FLOT2: variants seen among roughly 807,000 people sequenced by gnomAD.
FLOT2 encodes flotillin 2.
FLOT2 carries 35 observed loss-of-function variants against 54.9 expected under a neutral mutation model. The observed-to-expected ratio is 0.64, with a 90% confidence interval of 0.49 to 0.84. The LOEUF is 0.84. FLOT2 is among the 40% of genes least tolerant of loss of function. FLOT2 has a pLI of 0.00. For synonymous variants in FLOT2, 207 were observed against 228.9 expected, an observed-to-expected ratio of 0.90 and a Z score of 0.86; for missense variants, 464 against 572.1, an observed-to-expected ratio of 0.81 and a Z score of 1.93.
chr17:28,890,851 T>C (rs2152649487), intron 1 of FLOT2, among the ~76,000 whole-genome samples: 1 of 135,234 alleles, frequency 7.4e-6, no homozygotes, highest in South Asian at 2.7e-4. Context: ...CAGAGAGTGT[T>C]ATCATTTCTT....
At chr17:28,890,328 T>C (rs544363612) in intron 1 of FLOT2, among the ~76,000 whole-genome samples, 74 of 152,174 alleles carry the variant, frequency 4.9e-4, no homozygotes, top group African/African-American at 1.7e-3. Flanking sequence ...CCCAGATCCA[T>C]GCTGTAGACA....
rs1214846625 is a variant in FLOT2, at chr17:28,882,442, A to G, written c.474T>C (p.Tyr158=). 2 of 1,613,916 alleles carry G rather than the reference A, an allele frequency of 1.2e-6. No homozygotes were observed. Among genetic ancestry groups the G allele is most frequent in the Admixed American group, 1.7e-5 (1 of 60,026 alleles). The change falls in exon 6 of 11, where the codon TAT becomes TAC. Residue 158 remains tyrosine, a synonymous_variant. Transcript: ENST00000394908. The surrounding 1 kb of genome is among the most constrained non-coding windows in gnomAD (Gnocchi z 5.6). ...EILSFTIKDV[Y]DKVDYLSSLG... ...GGGAGCTCAGATAGTCCACTTTGTCATACACGTCCTGGGGAGGGAAGGGGG... is the reference window on the plus strand; with the variant it reads ...GGGAGCTCAGATAGTCCACTTTGTCGTACACGTCCTGGGGAGGGAAGGGGG...
In FLOT2 at chr17:28,882,467, G is replaced by A. The variant is rs1187358765; in HGVS notation, c.466-17C>T. The A allele has an allele frequency of 6.2e-7, 1 of 1,609,756 alleles. No individual in the cohort carries two copies. Among genetic ancestry groups the A allele is most frequent in the South Asian group, 1.1e-5 (1 of 90,996 alleles). Reference sequence around the variant, plus strand: ...ATACACGTCCTGGGGAGGGAAGGGGGTATCAGAGGCTCAAAGGAGCAGCCA... The same window carrying A: ...ATACACGTCCTGGGGAGGGAAGGGGATATCAGAGGCTCAAAGGAGCAGCCA... On this transcript the variant is annotated splice_polypyrimidine_tract_variant and intron_variant, in intron 5 of 10. Coordinates refer to ENST00000394908, the MANE Select transcript of FLOT2 (RefSeq NM_004475.3). This position sits in a 1 kb window ranked among gnomAD's most constrained non-coding sequence, Gnocchi z 5.6.
chr17:28,897,480 C>T lies in FLOT2; in HGVS notation c.49+46G>A. 1 of 1,565,296 alleles carries T rather than the reference C, an allele frequency of 6.4e-7. No individual in the cohort carries two copies. Among genetic ancestry groups the T allele is most frequent in the Non-Finnish European group, 8.7e-7 (1 of 1,150,922 alleles). The stretch of plus-strand genomic sequence containing the variant: ...CGTGCACTCCCCAGCCCTGCACCCA[C>T]CCCGAGCACCCTCCACAGCTCCCAC... On this transcript the variant is annotated intron_variant, in intron 1 of 10. Transcript: ENST00000394908. The surrounding 1 kb of genome is among the most constrained non-coding windows in gnomAD (Gnocchi z 4.4).
chr17:28,887,130 C>A (rs950307500), intron 2 of FLOT2, among the ~76,000 whole-genome samples: 1 of 151,852 alleles, frequency 6.6e-6, no homozygotes, highest in East Asian at 1.9e-4. Flanking sequence ...ATCAGGGCCT[C>A]GGGATAGTAT....
chr17:28,887,132 G>C (rs184477861), intron 2 of FLOT2, among the ~76,000 whole-genome samples: 21 of 152,164 alleles, frequency 1.4e-4, no homozygotes, highest in Non-Finnish European at 2.8e-4. Flanking sequence ...CAGGGCCTCG[G>C]GATAGTATAG....
chr17:28,880,028 T>A lies in FLOT2; in HGVS notation c.*533A>T. 1.0e-6 allele frequency: 1 copy of A among 991,730 alleles called. No homozygotes were observed. Among genetic ancestry groups the A allele is most frequent in the Non-Finnish European group, 1.2e-6 (1 of 834,168 alleles). 61.4% of individuals were successfully genotyped at this position (991,730 alleles called of 1,614,324 possible). A position where few individuals can be genotyped will look rare whatever the true frequency, so the allele number is the denominator to read the frequency against. On this transcript the variant is annotated 3_prime_UTR_variant, in exon 11 of 11. Coordinates refer to ENST00000394908, the MANE Select transcript of FLOT2 (RefSeq NM_004475.3). ...CCTGCAGGTCATGGCTGCCCAGACC[T>A]AGAGGGGCAGCAGCAGGTGAGGCTG...
At position 28,882,736 on chromosome 17, in the gene FLOT2, A is replaced by G. The variant is rs2039477158; in HGVS notation, c.347-45T>C. On this transcript the variant is annotated intron_variant, in intron 4 of 10. Transcript: ENST00000394908. The surrounding 1 kb of genome is among the most constrained non-coding windows in gnomAD (Gnocchi z 5.6). Reference sequence around the variant, plus strand: ...GGGCTGGCTCCCCAGGGACCCAGCCAGCTGGGGAAGGGAGGAGGCATGCAT... The same window carrying G: ...GGGCTGGCTCCCCAGGGACCCAGCCGGCTGGGGAAGGGAGGAGGCATGCAT... 7.7e-7 allele frequency: 1 copy of G among 1,297,856 alleles called. No individual in the cohort carries two copies. Among genetic ancestry groups the G allele is most frequent in the Non-Finnish European group, 1.1e-6 (1 of 895,696 alleles). The allele number at this position is 1,297,856 out of a possible 1,614,324, so 80.4% of individuals were successfully genotyped here.
At chr17:28,894,155 C>G (rs923339035) in intron 1 of FLOT2, among the ~76,000 whole-genome samples, 7 of 152,204 alleles carry the variant, frequency 4.6e-5, no homozygotes, top group Non-Finnish European at 8.8e-5. Flanking sequence ...CAAGTGTGAG[C>G]CAGTGTGTCC....
In FLOT2 at chr17:28,897,641, C is replaced by T. The variant is rs1299920789; in HGVS notation, c.-67G>A. 88 of 1,348,344 alleles carry T rather than the reference C, an allele frequency of 6.5e-5. No homozygotes were observed. The highest frequency in any genetic ancestry group is 8.2e-5 in the Non-Finnish European group (84 of 1,028,486). 83.5% of individuals were successfully genotyped at this position (1,348,344 alleles called of 1,614,324 possible). ...GGACAACAGCAGCGGGTCTGCAGCG[C>T]CGGCCGCGCCCAGCCTATCCCGCCA... On this transcript the variant is annotated 5_prime_UTR_variant, in exon 1 of 11. Coordinates refer to ENST00000394908, the MANE Select transcript of FLOT2 (RefSeq NM_004475.3). The surrounding 1 kb of genome is among the most constrained non-coding windows in gnomAD (Gnocchi z 4.4).
At chr17:28,881,125 T>C (rs528464221) in intron 9 of FLOT2, 67 bp downstream of exon 9, 2 of 1,463,346 alleles carry the variant, frequency 1.4e-6, no homozygotes, top group African/African-American at 1.4e-5. Flanking sequence ...AGAGAAGTTC[T>C]GGCACTTGCC....
intron 1 of FLOT2, among the ~76,000 whole-genome samples, chr17:28,889,383 ACAGTGGCGCAGTCTCGGCTCACTGCAACC>A (rs1262649050): frequency 1.3e-5 from 2 of 151,400 alleles, no homozygotes; most frequent in African/African-American, 4.9e-5. Context: ...AGGCTAGACT[ACAGTGGCGCAGTCTCGGCTCACTGCAACC>A]TCTGCCTCCT....
chr17:28,895,419 G>A (rs1297110894), intron 1 of FLOT2, among the ~76,000 whole-genome samples: 2 of 151,636 alleles, frequency 1.3e-5, no homozygotes, highest in African/African-American at 4.9e-5. Flanking sequence ...GCATCACTAT[G>A]CCCGGCTAAT....
Position 28,880,496 on chromosome 17 carries a change from G to A in FLOT2, c.*65C>T, listed in dbSNP as rs1168089079. The A allele has an allele frequency of 5.0e-6, 8 of 1,585,710 alleles. No individual in the cohort carries two copies. The African/African-American group carries it at 5.4e-5, about 11-fold the overall frequency. On this transcript the variant is annotated 3_prime_UTR_variant, in exon 11 of 11. Transcript: ENST00000394908. ...GTCAGTAACGTTCCCGTTGTTCTGT[G>A]GGATTAAAACGGGTGCTGGAGGGAG...
In FLOT2 at chr17:28,897,590, G is replaced by C; in HGVS notation, c.-16C>G. On this transcript the variant is annotated 5_prime_UTR_variant, in exon 1 of 11. Transcript: ENST00000394908. This position sits in a 1 kb window ranked among gnomAD's most constrained non-coding sequence, Gnocchi z 4.4. ...AATTGCCCATGGCGCCGGCGGCACG[G>C]AGGGCCCTCGGGACCGCACAGACCC... is the stretch of plus-strand genomic sequence containing the variant. 6.3e-7 allele frequency: 1 copy of C among 1,587,228 alleles called. No homozygotes were observed. Among genetic ancestry groups the C allele is most frequent in the Non-Finnish European group, 8.6e-7 (1 of 1,167,520 alleles).
chr17:28,890,636 T>C (rs2039633702), intron 1 of FLOT2, among the ~76,000 whole-genome samples: 1 of 152,306 alleles, frequency 6.6e-6, no homozygotes, highest in South Asian at 2.1e-4. Context: ...TCTGCCCGCC[T>C]CAGCTTCCCA....
chr17:28,886,686 T>C (rs1227332450), intron 2 of FLOT2, among the ~76,000 whole-genome samples: 1 of 151,940 alleles, frequency 6.6e-6, no homozygotes, highest in East Asian at 1.9e-4. Context: ...GTGTGCAGGG[T>C]GATTGTCTAG....
intron 2 of FLOT2, among the ~76,000 whole-genome samples, chr17:28,888,224 C>T (rs1367456135): frequency 6.6e-6 from 1 of 152,228 alleles, no homozygotes; most frequent in African/African-American, 2.4e-5. Context: ...GCTGGCGTGC[C>T]TCATCTCCCG....
intron 1 of FLOT2, chr17:28,893,030 T>A (rs1425210744): frequency 6.6e-6 from 1 of 152,196 alleles, no homozygotes; most frequent in East Asian, 1.9e-4. Context: ...AAGGGCAACA[T>A]TGCCAGGTTC....
Sources: allele counts gnomAD v4.1 joint callset (sites outside exome capture counted in the v4.1 genomes callset), GRCh38; gene constraint gnomAD v4.1.1; non-coding constraint Gnocchi (gnomAD v3.1); transcripts MANE v1.5; gene names NCBI Gene and HGNC (gene_info 2026-07-23, HGNC 2026-07-21).